The following TBC1D5 variants were observed in gnomAD, a reference collection of about 807,000 sequenced individuals.
TBC1D5 encodes the protein TBC1 domain family, member 5.
Under a neutral mutation model 100.3 loss-of-function variants are expected in TBC1D5, and 75 were observed. The ratio of observed to expected loss-of-function variants is 0.75; its 90% CI spans 0.62 to 0.91. TBC1D5 has a LOEUF of 0.91. TBC1D5 is among the 40% of genes least tolerant of loss of function. The pLI, the probability that TBC1D5 is intolerant of heterozygous loss-of-function variation, is 0.00. For missense variants in TBC1D5, 910 were observed against 942.4 expected (o/e 0.97, Z 0.45); for synonymous variants, 323 against 325.6 (o/e 0.99, Z 0.09).
intron 1 of TBC1D5, chr3:17,706,010 C>G: frequency 6.7e-7 from 1 of 1,486,880 alleles, no homozygotes; most frequent in Non-Finnish European, 9.1e-7. Context: ...CGGAGTCTTG[C>G]TGTCACCCAG....
chr3:17,255,490 G>A (rs1201159043), intron 16 of TBC1D5, among the ~76,000 whole-genome samples: 1 of 152,024 alleles, frequency 6.6e-6, no homozygotes, highest in Non-Finnish European at 1.5e-5. Flanking sequence ...GTGAGCCACC[G>A]CACCCGGCCA....
intron 3 of TBC1D5, among the ~76,000 whole-genome samples, chr3:17,439,942 TA>T (rs1471524806): frequency 2.6e-5 from 4 of 152,236 alleles, no homozygotes; most frequent in Admixed American, 2.6e-4. Context: ...CCCTAATTAA[TA>T]AATGCATTTT....
At chr3:17,406,370 T>TGTTGATATA in intron 5 of TBC1D5, 48 bp downstream of exon 5, 2 of 1,531,826 alleles carry the variant, frequency 1.3e-6, no homozygotes, top group Non-Finnish European at 1.8e-6. Flanking sequence ...TCAGGTAATG[T>TGTTGATATA]GTTGATATAT....
Position 17,284,019 on chromosome 3 carries a change from A to G in TBC1D5, c.1245+7876T>C, listed in dbSNP as rs1406334695. ...GCCACCTGAAATGGCACCTCCTCAG[A>G]AGGGCTTTTTGACCAACCTACCTAA... On this transcript the variant is annotated intron_variant, in intron 15 of 21. Coordinates refer to ENST00000253692, the Ensembl canonical transcript of TBC1D5. 2.0e-5 allele frequency among the ~76,000 whole-genome samples: 3 copies of G among 151,664 alleles called. No individual in the cohort carries two copies. The East Asian group carries it at 5.8e-4, about 29-fold the overall frequency.
intron 16 of TBC1D5, among the ~76,000 whole-genome samples, chr3:17,251,436 C>CT (rs1032946215): frequency 7.6e-5 from 11 of 144,016 alleles, no homozygotes; most frequent in Non-Finnish European, 1.7e-4. Context: ...CCCCCCCCCC[C>CT]CCAGTAGAAG....
At chr3:17,427,578 C>T (rs2094362097) in intron 4 of TBC1D5, among the ~76,000 whole-genome samples, 1 of 152,038 alleles carries the variant, frequency 6.6e-6, no homozygotes. Flanking sequence ...CTCAAGTACA[C>T]AGTGGTTCTT....
intron 16 of TBC1D5, among the ~76,000 whole-genome samples, chr3:17,246,848 G>A (rs2076778761): frequency 6.6e-6 from 1 of 152,186 alleles, no homozygotes; most frequent in Non-Finnish European, 1.5e-5. Context: ...GCATACCTGT[G>A]CTGCCCAAAG....
At chr3:17,742,373 G>C (rs984765318), upstream of TBC1D5, 1 of 153,190 alleles carries the variant, frequency 6.5e-6, no homozygotes, top group Non-Finnish European at 1.5e-5. Flanking sequence ...CTGAGGCTGA[G>C]TGGGAGGCCG....
intron 13 of TBC1D5, among the ~76,000 whole-genome samples, chr3:17,316,080 T>C (rs1279645968): frequency 2.0e-5 from 3 of 152,186 alleles, no homozygotes; most frequent in Non-Finnish European, 2.9e-5. Flanking sequence ...GTTTGGCTTC[T>C]GGGGCATCTT....
chr3:17,496,559 A>G lies in TBC1D5; in HGVS notation c.97+11915T>C, dbSNP rs773855668. ...TAGCATGGCATAAAATGGACCATAT[A>G]GAAAGAACTGAGCTTTAGAGAAATA... On this transcript the variant is annotated intron_variant, in intron 3 of 21. Coordinates refer to ENST00000253692, the Ensembl canonical transcript of TBC1D5. Among the ~76,000 whole-genome samples the G allele has an allele frequency of 5.9e-5, 9 of 152,330 alleles. No individual in the cohort carries two copies. The East Asian group carries it at 1.7e-3, about 29-fold the overall frequency.
intron 1 of TBC1D5, among the ~76,000 whole-genome samples, chr3:17,726,075 C>T (rs2076103398): frequency 6.6e-6 from 1 of 152,182 alleles, no homozygotes; most frequent in African/African-American, 2.4e-5. Context: ...CATGGTATTC[C>T]ATGGTGTGTA....
chr3:17,194,481 A>G (rs1001040972), intron 18 of TBC1D5, among the ~76,000 whole-genome samples: 11 of 152,236 alleles, frequency 7.2e-5, no homozygotes, highest in Non-Finnish European at 1.3e-4. Context: ...TATTGTAAAC[A>G]CAAACATTTA....
chr3:17,463,550 G>A (rs1197924448), intron 3 of TBC1D5, among the ~76,000 whole-genome samples: 1 of 152,140 alleles, frequency 6.6e-6, no homozygotes, highest in Non-Finnish European at 1.5e-5. Context: ...ATTTAAGGGG[G>A]TGCTCAAAAC....
At chr3:17,721,533 T>A (rs2075703037) in intron 1 of TBC1D5, among the ~76,000 whole-genome samples, 1 of 151,984 alleles carries the variant, frequency 6.6e-6, no homozygotes, top group African/African-American at 2.4e-5. Flanking sequence ...GTCACTAATT[T>A]CATCTTGCCT....
intron 2 of TBC1D5, among the ~76,000 whole-genome samples, chr3:17,552,053 T>A (rs1036484493): frequency 2.6e-5 from 4 of 152,108 alleles, no homozygotes; most frequent in African/African-American, 9.6e-5. Context: ...CTGAGCAGTA[T>A]ACATTTGTAG....
chr3:17,294,137 A>C (rs929125674), intron 14 of TBC1D5, among the ~76,000 whole-genome samples: 4 of 152,250 alleles, frequency 2.6e-5, no homozygotes, highest in Admixed American at 2.6e-4. Context: ...AGCAGTTTTA[A>C]GTATACTAGA....
At chr3:17,432,535 A>T (rs576954152) in intron 3 of TBC1D5, among the ~76,000 whole-genome samples, 1 of 152,300 alleles carries the variant, frequency 6.6e-6, no homozygotes, top group South Asian at 2.1e-4. Flanking sequence ...TCTAAGAGCC[A>T]GTGCTGAAGT....
In TBC1D5 at chr3:17,619,006, C is replaced by T. The variant is rs138637016; in HGVS notation, c.-36+4843G>A. Among the ~76,000 whole-genome samples the T allele has an allele frequency of 1.8e-3, 281 of 152,230 alleles. 1 individual carries two copies. The highest frequency in any genetic ancestry group is 6.1e-3 in the African/African-American group (255 of 41,526). Reference sequence around the variant, plus strand: ...ATTCATCACACTTGGAGCTGCAGACCGGAGCTGTTCCTATTCAGCCATCTT... The same window carrying T: ...ATTCATCACACTTGGAGCTGCAGACTGGAGCTGTTCCTATTCAGCCATCTT... On this transcript the variant is annotated intron_variant, in intron 2 of 21. Coordinates refer to ENST00000253692, the Ensembl canonical transcript of TBC1D5.
At chr3:17,474,194 T>C (rs2095412099) in intron 3 of TBC1D5, among the ~76,000 whole-genome samples, 1 of 152,194 alleles carries the variant, frequency 6.6e-6, no homozygotes, top group African/African-American at 2.4e-5. Context: ...GATACTTTTA[T>C]ATAATTTACA....
Sources: gnomAD v4.1 joint callset for allele counts (sites outside exome capture counted in the v4.1 genomes callset) on GRCh38, gnomAD v4.1.1 for gene constraint, MANE v1.5 for transcripts, NCBI Gene and HGNC (gene_info 2026-07-23, HGNC 2026-07-21) for gene names.